Variants in ASB3 observed in about 807,000 individuals in gnomAD.
ASB3 encodes the protein ankyrin repeat and SOCS box protein 3.
ASB3 carries 41 observed loss-of-function variants against 54.5 expected under a neutral mutation model. That is an observed-to-expected ratio of 0.75 (90% CI 0.59 to 0.98). ASB3 has a LOEUF of 0.98. Ranked by LOEUF, ASB3 falls within the 50% of genes least tolerant of loss-of-function variation. ASB3 has a pLI of 0.00. For missense variants in ASB3, 733 were observed against 620.0 expected (o/e 1.18, Z -1.94); for synonymous variants, 266 against 221.2 (o/e 1.20, Z -1.80).
chr2:53,778,149 C>CAAAAAA (rs34356077), intron 1 of ASB3, among the ~76,000 whole-genome samples: 5 of 62,630 alleles, frequency 8.0e-5, no homozygotes, highest in Middle Eastern at 7.5e-3. Flanking sequence ...ATTCTTGTCT[C>CAAAAAA]AAAAAAAAAA....
chr2:53,751,159 A>G (rs921895911), intron 2 of ASB3, among the ~76,000 whole-genome samples: 1 of 152,158 alleles, frequency 6.6e-6, no homozygotes, highest in Non-Finnish European at 1.5e-5. Flanking sequence ...AATCCTGTCC[A>G]CTAGCTCCCA....
chr2:53,765,948 T>C (rs1410397979), intron 1 of ASB3, among the ~76,000 whole-genome samples: 1 of 138,170 alleles, frequency 7.2e-6, no homozygotes, highest in African/African-American at 2.5e-5. Flanking sequence ...GCTCCATTGA[T>C]AAGAGCACCT....
chr2:53,710,556 G>A (rs1670037118), intron 7 of ASB3, among the ~76,000 whole-genome samples: 1 of 152,114 alleles, frequency 6.6e-6, no homozygotes, highest in South Asian at 2.1e-4. Context: ...ATAATTTTAG[G>A]TTGTCTCCTG....
At chr2:53,678,519 C>G (rs541625996) in intron 9 of ASB3, among the ~76,000 whole-genome samples, 24 of 152,242 alleles carry the variant, frequency 1.6e-4, no homozygotes, top group Admixed American at 3.9e-4. Context: ...ATTAAAACTA[C>G]AAAATATCAT....
intron 1 of ASB3, among the ~76,000 whole-genome samples, chr2:53,780,233 G>A (rs1674567593): frequency 6.6e-6 from 1 of 152,000 alleles, no homozygotes; most frequent in Admixed American, 6.6e-5. Flanking sequence ...TGGTCAATCT[G>A]GTATCAGTGT....
At chr2:53,777,927 G>A (rs558977589) in intron 1 of ASB3, among the ~76,000 whole-genome samples, 59 of 152,078 alleles carry the variant, frequency 3.9e-4, no homozygotes, top group Middle Eastern at 3.4e-3. Context: ...CGGGTGGATC[G>A]CCTGAAGTCA....
chr2:53,772,751 G>C (rs1350495777), intron 1 of ASB3, among the ~76,000 whole-genome samples: 4 of 152,174 alleles, frequency 2.6e-5, no homozygotes, highest in Admixed American at 2.6e-4. Context: ...GTGCAAGTTT[G>C]TTACATAGGT....
intron 3 of ASB3, among the ~76,000 whole-genome samples, chr2:53,733,445 C>CTT (rs57956105): frequency 1.4e-5 from 2 of 144,794 alleles, no homozygotes; most frequent in Non-Finnish European, 3.0e-5. Flanking sequence ...TCTCCACTTC[C>CTT]TTTTTTTTTT....
intron 1 of ASB3, among the ~76,000 whole-genome samples, chr2:53,770,857 A>G (rs1673852894): frequency 6.6e-6 from 1 of 152,194 alleles, no homozygotes; most frequent in African/African-American, 2.4e-5. Context: ...AGGGCAAAGT[A>G]AAGTTCATTT....
chr2:53,701,782 T>A (rs955375235), intron 7 of ASB3, among the ~76,000 whole-genome samples: 1 of 152,170 alleles, frequency 6.6e-6, no homozygotes, highest in African/African-American at 2.4e-5. Flanking sequence ...AAATTAACAA[T>A]GGGTCCAATC....
intron 9 of ASB3, among the ~76,000 whole-genome samples, chr2:53,681,848 T>C (rs983740063): frequency 2.6e-5 from 4 of 152,142 alleles, no homozygotes; most frequent in South Asian, 2.1e-4. Context: ...TATGAGTCTT[T>C]TGTGGGTCCA....
At chr2:53,703,540 G>A (rs938865230) in intron 7 of ASB3, among the ~76,000 whole-genome samples, 6 of 152,148 alleles carry the variant, frequency 3.9e-5, no homozygotes, top group East Asian at 1.9e-4. Flanking sequence ...TTGAGGCTGC[G>A]GTGAGCAATG....
rs879165178 is a variant in ASB3, at chr2:53,728,918, GT to G, written c.469-72del. 575 of 1,304,750 alleles carry G rather than the reference GT, an allele frequency of 4.4e-4. 1 individual carries two copies. The highest frequency in any genetic ancestry group is 2.3e-3 in the South Asian group (133 of 56,982). 80.8% of individuals were successfully genotyped at this position (1,304,750 alleles called of 1,614,324 possible). On this transcript the variant is annotated intron_variant, in intron 4 of 9. Coordinates refer to ENST00000263634, the MANE Select transcript of ASB3 (RefSeq NM_016115.5). Reference sequence around the variant, plus strand: ...TAGAAGGTATCTTTCTTCTTACTGTGTTTTTTTTTTCTTTTTTATCCTCTCA... The same window carrying G: ...TAGAAGGTATCTTTCTTCTTACTGTGTTTTTTTTTCTTTTTTATCCTCTCA...
intron 1 of ASB3, among the ~76,000 whole-genome samples, chr2:53,780,632 G>T (rs1444021191): frequency 6.6e-6 from 1 of 152,030 alleles, no homozygotes; most frequent in African/African-American, 2.4e-5. Context: ...GTAAAAATTA[G>T]CTGGGCATAG....
chr2:53,728,446 C>G (rs558645456), intron 5 of ASB3, among the ~76,000 whole-genome samples: 1 of 152,238 alleles, frequency 6.6e-6, no homozygotes, highest in South Asian at 2.1e-4. Context: ...AAGGACAGCC[C>G]CATCATTCAA....
At chr2:53,700,612 C>A (rs551781648) in intron 7 of ASB3, 84 bp from the exon 8 acceptor site, 62 of 1,490,984 alleles carry the variant, frequency 4.2e-5, no homozygotes, top group Admixed American at 1.2e-4. Context: ...ATAGTAGTTA[C>A]AGCTGGGGAA....
At chr2:53,707,040 TGTTCTG>T (rs1192855981) in intron 7 of ASB3, among the ~76,000 whole-genome samples, 1 of 152,146 alleles carries the variant, frequency 6.6e-6, no homozygotes. Flanking sequence ...AATAAATAAT[TGTTCTG>T]GTCTAAAAAT....
At chr2:53,708,788 A>G (rs1669932795) in intron 7 of ASB3, among the ~76,000 whole-genome samples, 1 of 152,198 alleles carries the variant, frequency 6.6e-6, no homozygotes, top group Non-Finnish European at 1.5e-5. Context: ...GGACCTGTAG[A>G]ACTTTGAACT....
chr2:53,747,320 C>A (rs1267067155), intron 3 of ASB3, among the ~76,000 whole-genome samples: 1 of 152,110 alleles, frequency 6.6e-6, no homozygotes, highest in Non-Finnish European at 1.5e-5. Context: ...CTGAGGCAGG[C>A]AGATCGCCTG....
Sources: gnomAD v4.1 joint callset for allele counts (sites outside exome capture counted in the v4.1 genomes callset) on GRCh38, gnomAD v4.1.1 for gene constraint, MANE v1.5 for transcripts, NCBI Gene and HGNC (gene_info 2026-07-23, HGNC 2026-07-21) for gene names.